The following RANBP2 variants were observed in gnomAD, a reference collection of about 807,000 sequenced individuals.
RANBP2 encodes RAN binding protein 2.
Under a neutral mutation model 303.6 loss-of-function variants are expected in RANBP2, and 57 were observed. The observed-to-expected ratio is 0.19, with a 90% CI of 0.15 to 0.23. The LOEUF (loss-of-function observed/expected upper bound fraction) is 0.23. Ranked by LOEUF, RANBP2 falls within the 10% of genes least tolerant of loss-of-function variation. The pLI is 1.00. For missense variants in RANBP2, 3,138 were observed against 3,780.8 expected, an observed-to-expected ratio of 0.83 and a Z score of 4.46; for synonymous variants, 1,167 against 1,301.5, an observed-to-expected ratio of 0.90 and a Z score of 2.23.
the RANBP2 span, among the ~76,000 whole-genome samples, chr2:108,831,745 C>T: frequency 3.3e-5 from 5 of 151,778 alleles, no homozygotes; most frequent in Non-Finnish European, 7.4e-5. Context: ...TCCGTCCTTC[C>T]TGTTGAAACG....
the RANBP2 span, among the ~76,000 whole-genome samples, chr2:109,522,209 C>T: frequency 6.6e-6 from 1 of 151,826 alleles, no homozygotes; most frequent in African/African-American, 2.4e-5. Context: ...TGTGTCAATC[C>T]TAGCTGCACA....
the RANBP2 span, among the ~76,000 whole-genome samples, chr2:108,939,255 G>T: frequency 6.6e-5 from 10 of 152,000 alleles, no homozygotes; most frequent in African/African-American, 2.4e-4. Flanking sequence ...TCAGCTCACT[G>T]CAACCTCCGC....
At chr2:109,279,967 A>C in the RANBP2 span, among the ~76,000 whole-genome samples, 12 of 151,782 alleles carry the variant, frequency 7.9e-5, 1 homozygote, top group African/African-American at 2.7e-4. Context: ...GGCCCCAAAA[A>C]CACACCCCCT....
chr2:108,949,517 C>T, the RANBP2 span, among the ~76,000 whole-genome samples: 1 of 152,318 alleles, frequency 6.6e-6, no homozygotes, highest in East Asian at 1.9e-4. Flanking sequence ...CCACTTCCTG[C>T]TGCCATCAGG....
the RANBP2 span, chr2:109,665,344 T>A: frequency 0.46 from 22,261 of 48,450 alleles, 2,104 homozygotes; most frequent in Middle Eastern, 0.51. Context: ...CGCAAGCAGG[T>A]TTTTTTTTTT....
intron 6 of RANBP2, among the ~76,000 whole-genome samples, chr2:108,737,105 C>T (rs2149135417): frequency 6.6e-6 from 1 of 151,682 alleles, no homozygotes; most frequent in East Asian, 1.9e-4. Context: ...TCACTGAGTG[C>T]AGGGAGTAGG....
At chr2:109,629,815 A>C in the RANBP2 span, among the ~76,000 whole-genome samples, 1 of 152,256 alleles carries the variant, frequency 6.6e-6, no homozygotes, top group South Asian at 2.1e-4. Flanking sequence ...CGTTTCAAAA[A>C]AAAAAGAAAA....
chr2:109,422,601 C>G, the RANBP2 span, among the ~76,000 whole-genome samples: 15,364 of 98,352 alleles, frequency 0.16, 1,121 homozygotes, highest in East Asian at 0.39. Flanking sequence ...CTTTCCACCC[C>G]CTGCTGTGTT....
chr2:109,125,615 C>A, the RANBP2 span, among the ~76,000 whole-genome samples: 2 of 152,318 alleles, frequency 1.3e-5, no homozygotes, highest in African/African-American at 2.4e-5. Context: ...TGAAGGCATC[C>A]GAAGATTTCG....
chr2:109,464,306 A>C, the RANBP2 span, among the ~76,000 whole-genome samples: 5 of 152,224 alleles, frequency 3.3e-5, no homozygotes, highest in Non-Finnish European at 7.3e-5. Context: ...ATACACATGT[A>C]CAACATGAAC....
the RANBP2 span, among the ~76,000 whole-genome samples, chr2:108,976,835 T>C: frequency 0.45 from 67,960 of 151,936 alleles, 17,905 homozygotes; most frequent in South Asian, 0.69. Flanking sequence ...TAGGACCTCT[T>C]TACTTTCTGG....
the RANBP2 span, among the ~76,000 whole-genome samples, chr2:108,916,699 G>A: frequency 6.6e-6 from 1 of 152,160 alleles, no homozygotes; most frequent in Non-Finnish European, 1.5e-5. Flanking sequence ...GCACGTGTGC[G>A]CAGCCGAGGA....
At chr2:108,920,423 T>C in the RANBP2 span, among the ~76,000 whole-genome samples, 1 of 152,202 alleles carries the variant, frequency 6.6e-6, no homozygotes. Context: ...CAGATCCCTT[T>C]ATGCAGGATG....
the RANBP2 span, among the ~76,000 whole-genome samples, chr2:108,934,728 A>G: frequency 6.6e-6 from 1 of 152,206 alleles, no homozygotes; most frequent in Admixed American, 6.5e-5. Context: ...CGAGATAACG[A>G]ACCCACTCCC....
At chr2:109,763,153 A>G in the RANBP2 span, among the ~76,000 whole-genome samples, 3 of 150,002 alleles carry the variant, frequency 2.0e-5, no homozygotes, top group African/African-American at 4.9e-5. Flanking sequence ...AGATGAGGAA[A>G]TAGAAGCTTT....
At chr2:109,449,150 C>T in the RANBP2 span, 2 of 1,609,542 alleles carry the variant, frequency 1.2e-6, no homozygotes, top group Non-Finnish European at 1.7e-6. Flanking sequence ...AACCTGCTGT[C>T]TCTCCAACCC....
At chr2:108,919,189 G>A in the RANBP2 span, among the ~76,000 whole-genome samples, 11 of 152,168 alleles carry the variant, frequency 7.2e-5, no homozygotes, top group Non-Finnish European at 1.3e-4. Context: ...TTAGTGTCAC[G>A]GAAGAGCATC....
chr2:109,412,916 C>T, the RANBP2 span, among the ~76,000 whole-genome samples: 3 of 152,224 alleles, frequency 2.0e-5, no homozygotes, highest in Non-Finnish European at 4.4e-5. Context: ...CCTCCATTTC[C>T]ACTCTGCATA....
the RANBP2 span, among the ~76,000 whole-genome samples, chr2:109,010,867 G>A: frequency 6.6e-6 from 1 of 152,308 alleles, no homozygotes; most frequent in Non-Finnish European, 1.5e-5. Context: ...CTCAGCAGCA[G>A]CTGGATGGCA....
Sources: allele counts gnomAD v4.1 joint callset (sites outside exome capture counted in the v4.1 genomes callset), GRCh38; gene constraint gnomAD v4.1.1; transcripts MANE v1.5; gene names NCBI Gene and HGNC (gene_info 2026-07-23, HGNC 2026-07-21).